PDE6A: variants seen among roughly 807,000 people sequenced by gnomAD.
The protein encoded by PDE6A is rod cGMP-specific 3',5'-cyclic phosphodiesterase subunit alpha.
A neutral mutation model predicts 106.3 loss-of-function variants in PDE6A; 84 were observed. The ratio of observed to expected loss-of-function variants is 0.79; its 90% CI spans 0.66 to 0.95. PDE6A has a LOEUF of 0.95. Among genes scored for constraint, PDE6A ranks in the 40% least tolerant of loss-of-function variants. The pLI is 0.00. For missense variants in PDE6A, 1,052 were observed against 1,084.9 expected, an observed-to-expected ratio of 0.97 and a Z score of 0.43; for synonymous variants, 394 against 386.6, an observed-to-expected ratio of 1.02 and a Z score of -0.23.
intron 8 of PDE6A, among the ~76,000 whole-genome samples, chr5:149,900,645 T>C (rs76862624): frequency 1.3e-5 from 2 of 151,718 alleles, no homozygotes; most frequent in African/African-American, 4.8e-5. Context: ...ATTCTTAACA[T>C]GGTGAGATGA....
chr5:149,933,404 C>T (rs551454927), intron 3 of PDE6A, among the ~76,000 whole-genome samples: 2 of 152,310 alleles, frequency 1.3e-5, no homozygotes, highest in East Asian at 3.9e-4. Flanking sequence ...GAACTACAGG[C>T]GTGAGCCACC....
At chr5:149,934,511 A>T in intron 2 of PDE6A, 55 bp downstream of exon 2, 1 of 1,588,360 alleles carries the variant, frequency 6.3e-7, no homozygotes, top group Non-Finnish European at 8.6e-7. Flanking sequence ...AGGGGACTTC[A>T]TAGGCTGGGA....
In PDE6A at chr5:149,860,587, T is replaced by G. The variant is rs1581141482; in HGVS notation, c.*308A>C. On this transcript the variant is annotated 3_prime_UTR_variant, in exon 22 of 22. Coordinates refer to ENST00000255266, the MANE Select transcript of PDE6A (RefSeq NM_000440.3). ...TGGGCCACATGCAGCCCAGGACGGC[T>G]TTGAATGCGGCCCAACACAAATTCA... The G allele has an allele frequency of 1.4e-5, 4 of 293,694 alleles. No homozygotes were observed. In the East Asian group the frequency reaches 2.7e-4, roughly 20 times the overall value. The allele number at this position is 293,694 out of a possible 1,614,324, so 18.2% of individuals were successfully genotyped here. A position where few individuals can be genotyped will look rare whatever the true frequency, so the allele number is the denominator to read the frequency against.
At position 149,944,242 on chromosome 5, in the gene PDE6A, G is replaced by T; in HGVS notation, c.432C>A (p.Val144=). The stretch of plus-strand genomic sequence containing the variant: ...CGTTAGCAATCTTCTTAGAGTGTGC[G>T]ACATGGCCCACGATGCCCATGTCCA... ...FPLDMGIVGH[V]AHSKKIANVP... The change falls in exon 1 of 22, where the codon GTC becomes GTA. Residue 144 remains valine (V), a synonymous_variant. Transcript: ENST00000255266. The T allele has an allele frequency of 6.2e-7, 1 of 1,613,794 alleles. No homozygotes were observed. The highest frequency in any genetic ancestry group is 1.1e-5 in the South Asian group (1 of 91,022).
chr5:149,903,368 G>GTATTATATATTGTA (rs543296410), intron 8 of PDE6A, among the ~76,000 whole-genome samples: 2 of 149,430 alleles, frequency 1.3e-5, no homozygotes, highest in Non-Finnish European at 3.0e-5. Flanking sequence ...GTATAATGTT[G>GTATTATATATTGTA]TATTATATAT....
chr5:149,896,798 G>A (rs912277808), intron 10 of PDE6A, 22 bp from the exon 11 acceptor site: 1 of 1,613,718 alleles, frequency 6.2e-7, no homozygotes, highest in East Asian at 2.2e-5. Flanking sequence ...CAAAATGGCA[G>A]GGGAAAAAAA....
rs1417743459 is a variant in PDE6A, at chr5:149,863,849, C to G, written c.2359-583G>C. ...ATGTTGCCTAGGCTGGTCTCAAGCT[C>G]CTGGCCTCAAGTGATTCTTCTGCCT... On this transcript the variant is annotated intron_variant, in intron 20 of 21. Coordinates refer to ENST00000255266, the MANE Select transcript of PDE6A (RefSeq NM_000440.3). The surrounding 1 kb of genome is among the most constrained non-coding windows in gnomAD (Gnocchi z 4.7). Among the ~76,000 whole-genome samples the G allele has an allele frequency of 3.9e-5, 6 of 152,158 alleles. No individual in the cohort carries two copies.
rs375876461 is a variant in PDE6A, at chr5:149,900,784, G to T, written c.1114-1260C>A. ...GTTTGTATTGAACTCAGACCTGGCT[G>T]CCCGTAGCACTCTACCTAATCTTCA... On this transcript the variant is annotated intron_variant, in intron 8 of 21. Coordinates refer to ENST00000255266, the MANE Select transcript of PDE6A (RefSeq NM_000440.3). Among the ~76,000 whole-genome samples, 7 of 152,230 alleles carry T rather than the reference G, an allele frequency of 4.6e-5. 2 individuals carry two copies. Among genetic ancestry groups the T allele is most frequent in the East Asian group, 1.9e-4 (1 of 5,164 alleles).
At chr5:149,888,376 AAATT>A (rs1242645724) in intron 13 of PDE6A, among the ~76,000 whole-genome samples, 1 of 151,708 alleles carries the variant, frequency 6.6e-6, no homozygotes, top group Non-Finnish European at 1.5e-5. Context: ...TGTTCACTGG[AAATT>A]AAGGTCACTA....
At chr5:149,903,739 A>G in intron 7 of PDE6A, 44 bp from the exon 8 acceptor site, 2 of 1,498,336 alleles carry the variant, frequency 1.3e-6, no homozygotes, top group Non-Finnish European at 1.9e-6. Context: ...ATTAGGCCTG[A>G]GAGGGTGCCC....
At chr5:149,924,165 T>A (rs1399046212) in intron 4 of PDE6A, among the ~76,000 whole-genome samples, 2 of 152,166 alleles carry the variant, frequency 1.3e-5, no homozygotes, top group Non-Finnish European at 2.9e-5. Flanking sequence ...GTTTGTATCC[T>A]GGAAGAACTT....
intron 9 of PDE6A, 59 bp from the exon 10 acceptor site, chr5:149,898,565 A>C (rs1752845868): frequency 4.2e-5 from 65 of 1,551,964 alleles, no homozygotes; most frequent in Admixed American, 6.9e-5. Flanking sequence ...TCTTGACTCT[A>C]AAACTCATAG....
At chr5:149,886,866 G>A (rs1752326617) in intron 13 of PDE6A, among the ~76,000 whole-genome samples, 1 of 152,190 alleles carries the variant, frequency 6.6e-6, no homozygotes, top group Admixed American at 6.5e-5. Flanking sequence ...TGTTGATGCT[G>A]GGTGTTGAAA....
intron 15 of PDE6A, 88 bp downstream of exon 15, chr5:149,884,692 A>G (rs1752216516): frequency 3.2e-5 from 47 of 1,462,932 alleles, no homozygotes; most frequent in South Asian, 1.6e-4. Context: ...CAATGGGAAG[A>G]ATGCTCCCTG....
Position 149,906,841 on chromosome 5 carries a change from G to C in PDE6A, c.1065+471C>G, listed in dbSNP as rs572508914. On this transcript the variant is annotated intron_variant, in intron 7 of 21. Transcript: ENST00000255266. ...GGCTGGAGTGCAATGGCATGATTTC[G>C]GCTCACTGCAACCTCCGCCTCCCAG... 2.2e-3 allele frequency among the ~76,000 whole-genome samples: 330 copies of C among 151,796 alleles called. 4 individuals carry two copies. The highest frequency in any genetic ancestry group is 7.5e-3 in the African/African-American group (310 of 41,396).
At chr5:149,930,964 C>G in intron 4 of PDE6A, 64 bp downstream of exon 4, 2 of 1,542,950 alleles carry the variant, frequency 1.3e-6, no homozygotes, top group South Asian at 1.1e-5. Flanking sequence ...TGCCAAGACT[C>G]TAGCCGTCAG....
chr5:149,864,461 C>T (rs1760254158), intron 20 of PDE6A, among the ~76,000 whole-genome samples: 1 of 152,040 alleles, frequency 6.6e-6, no homozygotes, highest in Admixed American at 6.5e-5. Flanking sequence ...AGGCTGGTCT[C>T]GAACTCCTGA....
intron 13 of PDE6A, among the ~76,000 whole-genome samples, chr5:149,892,772 C>T (rs114822179): frequency 0.014 from 2,189 of 152,144 alleles, 40 homozygotes; most frequent in African/African-American, 0.046. Context: ...TGAGCCACTG[C>T]ACCCAGCCTG....
intron 1 of PDE6A, among the ~76,000 whole-genome samples, chr5:149,937,836 A>T (rs1372683498): frequency 1.3e-5 from 2 of 152,166 alleles, no homozygotes; most frequent in Non-Finnish European, 2.9e-5. Flanking sequence ...CAACTGACAT[A>T]TATTATCTCA....
Sources: gnomAD v4.1 joint callset for allele counts (sites outside exome capture counted in the v4.1 genomes callset) on GRCh38, gnomAD v4.1.1 for gene constraint, Gnocchi (gnomAD v3.1) non-coding constraint, MANE v1.5 for transcripts, NCBI Gene and HGNC (gene_info 2026-07-23, HGNC 2026-07-21) for gene names.